DMD: variants seen among roughly 807,000 people sequenced by gnomAD.
DMD encodes the protein dystrophin.
DMD carries 63 observed loss-of-function variants against 330.1 expected under a neutral mutation model. That is an observed-to-expected ratio of 0.19 (90% CI 0.16 to 0.24). The LOEUF is 0.24. Among genes scored for constraint, DMD ranks in the 10% least tolerant of loss-of-function variants. The pLI is 1.00. For synonymous variants in DMD, 1,223 were observed against 959.8 expected (o/e 1.27, Z -5.07); for missense variants, 3,344 against 2,684.1 (o/e 1.25, Z -5.43).
At chrX:32,339,944 G>A (rs779059987) in intron 41 of DMD, among the ~76,000 whole-genome samples, 1 of 111,927 alleles carries the variant, frequency 8.9e-6, no homozygotes, top group African/African-American at 3.2e-5. Context: ...CCATTGTAAG[G>A]TTATATCAAA....
intron 4 of DMD, among the ~76,000 whole-genome samples, chrX:32,836,906 T>A (rs772045321): frequency 8.9e-6 from 1 of 112,291 alleles, no homozygotes; most frequent in Non-Finnish European, 1.9e-5. Context: ...ACTATTTTCC[T>A]AAGCCTTTAA....
chrX:32,398,942 T>C (rs1042500174), intron 30 of DMD, among the ~76,000 whole-genome samples: 4 of 111,281 alleles, frequency 3.6e-5, no homozygotes, highest in African/African-American at 1.3e-4. Context: ...AATCCATACA[T>C]CTACAGGGAC....
chrX:32,949,837 C>A (rs769136068), intron 2 of DMD, among the ~76,000 whole-genome samples: 1 of 79,354 alleles, frequency 1.3e-5, no homozygotes, highest in Admixed American at 1.2e-4. Context: ...AAAAACTCAT[C>A]CTTTCTGAAT....
chrX:32,589,625 C>A (rs2054670169), intron 13 of DMD, among the ~76,000 whole-genome samples: 1 of 111,056 alleles, frequency 9.0e-6, no homozygotes, highest in African/African-American at 3.3e-5. Flanking sequence ...GATGGGAAGT[C>A]AGACCCTTTG....
intron 1 of DMD, among the ~76,000 whole-genome samples, chrX:33,325,341 T>G (rs928367844): frequency 1.8e-5 from 2 of 112,536 alleles, no homozygotes; most frequent in African/African-American, 3.2e-5. Flanking sequence ...ACTTAATGCA[T>G]CTTTGAGATT....
intron 30 of DMD, among the ~76,000 whole-genome samples, chrX:32,409,895 C>T (rs73619076): frequency 0.15 from 16,257 of 110,687 alleles, 1,024 homozygotes; most frequent in African/African-American, 0.22. Context: ...TAAACCCTGC[C>T]GTGGTAGACA....
Position 32,860,734 on chromosome X carries a change from G to A in DMD, c.94-10914C>T, listed in dbSNP as rs1245352924. Among the ~76,000 whole-genome samples, 3 of 110,687 alleles carry A rather than the reference G, an allele frequency of 2.7e-5. No homozygotes were observed. In the East Asian group the frequency reaches 8.5e-4, roughly 31 times the overall value. On this transcript the variant is annotated intron_variant, in intron 2 of 78. Transcript: ENST00000357033. ...CGAACATATTTATATTACCAGCATC[G>A]AGATTTAAGAAACAGAATATGATCA...
intron 12 of DMD, among the ~76,000 whole-genome samples, chrX:32,601,302 G>A (rs780856875): frequency 8.9e-5 from 10 of 111,784 alleles, no homozygotes; most frequent in African/African-American, 3.2e-4. Context: ...GGCTACCCTA[G>A]AAAAGCTTTT....
At chrX:32,036,292 C>G (rs2095945660) in intron 44 of DMD, among the ~76,000 whole-genome samples, 1 of 111,025 alleles carries the variant, frequency 9.0e-6, no homozygotes, top group Non-Finnish European at 1.9e-5. Context: ...TGGAGAGGAG[C>G]AAGACTGAAA....
In DMD at chrX:33,016,121, G is replaced by A. The variant is rs775232936; in HGVS notation, c.93+4018C>T. ...TTAGAATTAAAAAAGCTTTATTGGG[G>A]GTCTGAAGAAACTCCCCAGGACTCC... On this transcript the variant is annotated intron_variant, in intron 2 of 78. Coordinates refer to ENST00000357033, the MANE Select transcript of DMD (RefSeq NM_004006.3). Among the ~76,000 whole-genome samples, 4 of 110,216 alleles carry A rather than the reference G, an allele frequency of 3.6e-5. No individual in the cohort carries two copies. The South Asian group carries it at 1.2e-3, about 33-fold the overall frequency.
intron 17 of DMD, among the ~76,000 whole-genome samples, chrX:32,544,112 T>C (rs1400096527): frequency 8.9e-6 from 1 of 111,935 alleles, no homozygotes; most frequent in African/African-American, 3.2e-5. Flanking sequence ...TAGCAGGTCT[T>C]AGTTTGGTGA....
intron 7 of DMD, among the ~76,000 whole-genome samples, chrX:32,739,721 G>T (rs1413270328): frequency 9.0e-6 from 1 of 111,127 alleles, no homozygotes; most frequent in East Asian, 2.9e-4. Flanking sequence ...TTCCATTGTG[G>T]AATCTTAAGA....
intron 57 of DMD, among the ~76,000 whole-genome samples, chrX:31,494,176 AT>A (rs2069604322): frequency 9.3e-6 from 1 of 107,337 alleles, no homozygotes; most frequent in African/African-American, 3.4e-5. Flanking sequence ...AAAAAAAAAA[AT>A]TGACCCAGTG....
chrX:32,580,281 G>T (rs2053519746), intron 13 of DMD, among the ~76,000 whole-genome samples: 1 of 111,696 alleles, frequency 9.0e-6, no homozygotes, highest in Non-Finnish European at 1.9e-5. Context: ...TCCCAAAACT[G>T]AATACTACTA....
intron 1 of DMD, among the ~76,000 whole-genome samples, chrX:33,140,446 G>T (rs1336940962): frequency 1.8e-5 from 2 of 111,764 alleles, no homozygotes; most frequent in African/African-American, 3.2e-5. Context: ...TATTTTCAAC[G>T]CTAACTTAAG....
intron 18 of DMD, among the ~76,000 whole-genome samples, chrX:32,506,684 A>G (rs2044661483): frequency 8.9e-6 from 1 of 111,818 alleles, no homozygotes; most frequent in South Asian, 3.7e-4. Context: ...ACACTTTTTA[A>G]TATCTTACAT....
intron 2 of DMD, among the ~76,000 whole-genome samples, chrX:32,991,573 G>A (rs936904272): frequency 4.5e-5 from 5 of 111,791 alleles, no homozygotes; most frequent in African/African-American, 9.7e-5. Flanking sequence ...ATAATTTTTT[G>A]CCATTGTCTA....
intron 51 of DMD, among the ~76,000 whole-genome samples, chrX:31,738,842 C>A (rs1341172682): frequency 8.9e-6 from 1 of 112,078 alleles, no homozygotes; most frequent in Non-Finnish European, 1.9e-5. Context: ...ACAAACATTG[C>A]ATGTTCTCAC....
intron 17 of DMD, among the ~76,000 whole-genome samples, chrX:32,534,339 T>A (rs1265215874): frequency 2.7e-5 from 3 of 111,588 alleles, no homozygotes; most frequent in African/African-American, 9.8e-5. Context: ...GTTTGGATCA[T>A]GGGAGCGGAT....
Sources: allele counts gnomAD v4.1 joint callset (sites outside exome capture counted in the v4.1 genomes callset), GRCh38; gene constraint gnomAD v4.1.1; transcripts MANE v1.5; gene names NCBI Gene and HGNC (gene_info 2026-07-23, HGNC 2026-07-21).